PTGER4: variants seen among roughly 807,000 people sequenced by gnomAD.
PTGER4 encodes prostaglandin E2 receptor EP4 subtype.
Under a neutral mutation model 33.2 loss-of-function variants are expected in PTGER4, and 11 were observed. That is an observed-to-expected ratio of 0.33 (90% CI 0.21 to 0.55). The LOEUF (loss-of-function observed/expected upper bound fraction) is 0.55, where lower values mean the gene tolerates loss of function less well. PTGER4 is among the 20% of genes least tolerant of loss of function. PTGER4 has a pLI of 0.92. For synonymous variants in PTGER4, 275 were observed against 281.5 expected (o/e 0.98, Z 0.23); for missense variants, 481 against 650.2 (o/e 0.74, Z 2.83).
chr5:40,712,547 C>T, the PTGER4 span, among the ~76,000 whole-genome samples: 1 of 152,256 alleles, frequency 6.6e-6, no homozygotes, highest in East Asian at 1.9e-4. Context: ...TTAGACAGAC[C>T]TGCTTACTAA....
At chr5:40,727,892 G>A in the PTGER4 span, among the ~76,000 whole-genome samples, 1 of 152,094 alleles carries the variant, frequency 6.6e-6, no homozygotes, top group Non-Finnish European at 1.5e-5. Flanking sequence ...TGTGAACTGT[G>A]TTTATGGATT....
rs191730058 is a variant in PTGER4 at position 40,693,515 on chromosome 5, A to G, written c.*1137A>G. 19 of 985,966 alleles carry G rather than the reference A, an allele frequency of 1.9e-5. No homozygotes were observed. Among genetic ancestry groups the G allele is most frequent in the Non-Finnish European group, 2.3e-5 (19 of 829,906 alleles). 61.1% of individuals were successfully genotyped at this position (985,966 alleles called of 1,614,324 possible). A position where few individuals can be genotyped will look rare whatever the true frequency, so the allele number is the denominator to read the frequency against. On this transcript the variant is annotated 3_prime_UTR_variant, in exon 3 of 3. Coordinates refer to ENST00000302472, the MANE Select transcript of PTGER4 (RefSeq NM_000958.3). Reference sequence around the variant, plus strand: ...TATGTCAGAAGTGCAGAATTGGGGCACTTAATGGTCACCTTGTAACAGTTT... The same window carrying G: ...TATGTCAGAAGTGCAGAATTGGGGCGCTTAATGGTCACCTTGTAACAGTTT...
At chr5:40,693,759 G>A, downstream of PTGER4, 4 of 967,122 alleles carry the variant, frequency 4.1e-6, no homozygotes, top group Non-Finnish European at 4.9e-6. Context: ...TCCTCAGTTT[G>A]GGAAAACTTG....
At chr5:40,687,121 C>T (rs1405421357) in intron 2 of PTGER4, among the ~76,000 whole-genome samples, 6 of 152,132 alleles carry the variant, frequency 3.9e-5, no homozygotes, top group Admixed American at 2.6e-4. Flanking sequence ...TCTCAGCTCA[C>T]CGCAACCTCC....
rs1741502605 is a variant in PTGER4 at position 40,692,616 on chromosome 5, A to T, written c.*238A>T. The T allele has an allele frequency of 8.0e-7, 1 of 1,256,200 alleles. No individual in the cohort carries two copies. The highest frequency in any genetic ancestry group is 3.5e-5 in the East Asian group (1 of 28,756). 77.8% of individuals were successfully genotyped at this position (1,256,200 alleles called of 1,614,324 possible). ...GACAGAGGATTGTGGTCACAACTTG[A>T]TGGCTGCGAAGACCTACCCTCCGTT... On this transcript the variant is annotated 3_prime_UTR_variant, in exon 3 of 3. Transcript: ENST00000302472.
the PTGER4 span, among the ~76,000 whole-genome samples, chr5:40,744,101 T>C: frequency 6.6e-6 from 1 of 152,248 alleles, no homozygotes; most frequent in African/African-American, 2.4e-5. Flanking sequence ...CAGGAGTTCC[T>C]AAAGATGTTT....
At chr5:40,735,301 G>A in the PTGER4 span, among the ~76,000 whole-genome samples, 8 of 152,270 alleles carry the variant, frequency 5.3e-5, no homozygotes, top group South Asian at 8.3e-4. Flanking sequence ...GTACAAAAAT[G>A]TACACAGGAA....
chr5:40,707,357 GA>G, the PTGER4 span, among the ~76,000 whole-genome samples: 1 of 151,652 alleles, frequency 6.6e-6, no homozygotes, highest in South Asian at 2.1e-4. Context: ...AAATGGAAAA[GA>G]AAAAAAGGCA....
the PTGER4 span, among the ~76,000 whole-genome samples, chr5:40,738,485 AATACAATAC>A: frequency 1.5e-5 from 2 of 137,652 alleles, no homozygotes; most frequent in African/African-American, 5.5e-5. Flanking sequence ...AATACAATAC[AATACAATAC>A]AATACAATAC....
chr5:40,739,092 T>C, the PTGER4 span, among the ~76,000 whole-genome samples: 3 of 152,212 alleles, frequency 2.0e-5, no homozygotes, highest in African/African-American at 7.2e-5. Flanking sequence ...GTATCATATA[T>C]TATTTTCATT....
chr5:40,691,694 TA>T lies in PTGER4; in HGVS notation c.868-83del, dbSNP rs1276040182. ...GTTACCAGAAATGAAGGCAGCTTCC[TA>T]ATATTGATAAGGTAGACATAGCATT... On this transcript the variant is annotated intron_variant, in intron 2 of 2. Coordinates refer to ENST00000302472, the MANE Select transcript of PTGER4 (RefSeq NM_000958.3). The surrounding 1 kb of genome is among the most constrained non-coding windows in gnomAD (Gnocchi z 4.2). 1.3e-6 allele frequency: 2 copies of T among 1,492,288 alleles called. No individual in the cohort carries two copies. The highest frequency in any genetic ancestry group is 2.8e-5 in the African/African-American group (2 of 71,352). 92.4% of individuals were successfully genotyped at this position (1,492,288 alleles called of 1,614,324 possible). A position where few individuals can be genotyped will look rare whatever the true frequency, so the allele number is the denominator to read the frequency against.
At chr5:40,728,093 CTAACATGG>C in the PTGER4 span, among the ~76,000 whole-genome samples, 1 of 151,836 alleles carries the variant, frequency 6.6e-6, no homozygotes, top group Non-Finnish European at 1.5e-5. Context: ...ACCAGCCTGA[CTAACATGG>C]TGACACCCCG....
intron 2 of PTGER4, among the ~76,000 whole-genome samples, chr5:40,682,340 G>C (rs1741219343): frequency 6.6e-6 from 1 of 152,152 alleles, no homozygotes; most frequent in South Asian, 2.1e-4. Context: ...TGTATGCAAG[G>C]TTTCTTGAAT....
At chr5:40,732,958 G>A in the PTGER4 span, among the ~76,000 whole-genome samples, 1 of 151,984 alleles carries the variant, frequency 6.6e-6, no homozygotes, top group Non-Finnish European at 1.5e-5. Context: ...TCCAAGTCCT[G>A]AAGGCAGCAG....
the PTGER4 span, among the ~76,000 whole-genome samples, chr5:40,706,432 G>A: frequency 5.3e-5 from 8 of 151,990 alleles, no homozygotes; most frequent in South Asian, 2.1e-4. Context: ...CTCATGACAC[G>A]TGTTTATCTT....
At chr5:40,732,381 G>A in the PTGER4 span, among the ~76,000 whole-genome samples, 639 of 151,652 alleles carry the variant, frequency 4.2e-3, 2 homozygotes, top group African/African-American at 0.015. Flanking sequence ...GCAGCTAAAG[G>A]ACTGTCCAAG....
At chr5:40,744,555 T>C in the PTGER4 span, among the ~76,000 whole-genome samples, 1 of 151,968 alleles carries the variant, frequency 6.6e-6, no homozygotes, top group African/African-American at 2.4e-5. Context: ...TCATTTTCTT[T>C]TAAATTCTCA....
chr5:40,728,912 T>A, the PTGER4 span, among the ~76,000 whole-genome samples: 1 of 152,168 alleles, frequency 6.6e-6, no homozygotes, highest in Non-Finnish European at 1.5e-5. Flanking sequence ...ATTTAAAACA[T>A]TCCCTAGGCC....
chr5:40,733,106 A>T, the PTGER4 span, among the ~76,000 whole-genome samples: 1 of 152,206 alleles, frequency 6.6e-6, no homozygotes, highest in South Asian at 2.1e-4. Flanking sequence ...TGTTCCGTTC[A>T]TTATTTCATA....
Sources: gnomAD v4.1 joint callset for allele counts (sites outside exome capture counted in the v4.1 genomes callset) on GRCh38, gnomAD v4.1.1 for gene constraint, Gnocchi (gnomAD v3.1) non-coding constraint, MANE v1.5 for transcripts, NCBI Gene and HGNC (gene_info 2026-07-23, HGNC 2026-07-21) for gene names.